Variants in ELOVL6 observed in about 807,000 individuals in gnomAD.
ELOVL6 encodes ELOVL fatty acid elongase 6.
In ELOVL6, 8 loss-of-function variants were observed where a neutral mutation model predicts 31.7. That is an observed-to-expected ratio of 0.25 (90% CI 0.15 to 0.45). The LOEUF (loss-of-function observed/expected upper bound fraction) is 0.45. ELOVL6 is among the 20% of genes least tolerant of loss of function. ELOVL6 has a pLI of 1.00. For synonymous variants in ELOVL6, 101 were observed against 117.7 expected (o/e 0.86, Z 0.92); for missense variants, 126 against 326.4 (o/e 0.39, Z 4.73).
intron 1 of ELOVL6, among the ~76,000 whole-genome samples, chr4:110,111,639 T>C (rs1373187872): frequency 1.3e-5 from 2 of 152,146 alleles, no homozygotes; most frequent in Admixed American, 6.5e-5. Flanking sequence ...GTGTTACAGA[T>C]AATGTTTTAT....
intron 2 of ELOVL6, among the ~76,000 whole-genome samples, chr4:110,091,890 A>G (rs1486498466): frequency 6.6e-6 from 1 of 152,224 alleles, no homozygotes; most frequent in African/African-American, 2.4e-5. Flanking sequence ...TCAATCAATC[A>G]TTTTAATTAC....
At chr4:110,149,014 C>T (rs1380253688) in intron 1 of ELOVL6, among the ~76,000 whole-genome samples, 2 of 152,208 alleles carry the variant, frequency 1.3e-5, no homozygotes, top group Non-Finnish European at 2.9e-5. Context: ...GCACAAGCCA[C>T]TATGCCCAGC....
chr4:110,064,790 G>A lies in ELOVL6; in HGVS notation c.222-5036C>T, dbSNP rs528393490. Among the ~76,000 whole-genome samples the A allele has an allele frequency of 1.7e-4, 26 of 152,146 alleles. 1 individual carries two copies. In the South Asian group the frequency reaches 5.2e-3, roughly 30 times the overall value. On this transcript the variant is annotated intron_variant, in intron 2 of 3. Coordinates refer to ENST00000302274, the MANE Select transcript of ELOVL6 (RefSeq NM_024090.3). ...GACGTGAGCTACTGCACCTGGCCTCGATTGATAATGTTTAAAAATCTACTT... is the reference window on the plus strand; with the variant it reads ...GACGTGAGCTACTGCACCTGGCCTCAATTGATAATGTTTAAAAATCTACTT...
chr4:110,147,780 GACACACACACACAC>G (rs58644594), intron 1 of ELOVL6, among the ~76,000 whole-genome samples: 56 of 142,740 alleles, frequency 3.9e-4, no homozygotes, highest in East Asian at 2.3e-3. Context: ...GACAGAGCAG[GACACACACACACAC>G]ACACACACAC....
intron 1 of ELOVL6, among the ~76,000 whole-genome samples, chr4:110,141,854 A>AATATATATATATATATATAT (rs1304359285): frequency 1.9e-5 from 1 of 53,610 alleles, no homozygotes; most frequent in Non-Finnish European, 4.0e-5. Flanking sequence ...CAATACAATT[A>AATATATATATATATATATAT]GTATATATAT....
At chr4:110,148,406 C>T (rs747171210) in intron 1 of ELOVL6, among the ~76,000 whole-genome samples, 2 of 150,610 alleles carry the variant, frequency 1.3e-5, no homozygotes, top group South Asian at 2.1e-4. Flanking sequence ...CTTCTCTGTT[C>T]CCACTTATTT....
At chr4:110,108,794 G>A (rs1756954439) in intron 1 of ELOVL6, among the ~76,000 whole-genome samples, 1 of 152,148 alleles carries the variant, frequency 6.6e-6, no homozygotes, top group Non-Finnish European at 1.5e-5. Context: ...TTTGAGTGCT[G>A]TGATCAAAGT....
At chr4:110,112,653 A>G (rs953857497) in intron 1 of ELOVL6, among the ~76,000 whole-genome samples, 2 of 151,992 alleles carry the variant, frequency 1.3e-5, no homozygotes, top group African/African-American at 4.8e-5. Context: ...GGGGTGGATC[A>G]CTTGAGATCA....
chr4:110,088,223 T>C (rs1465756841), intron 2 of ELOVL6, among the ~76,000 whole-genome samples: 1 of 152,184 alleles, frequency 6.6e-6, no homozygotes, highest in African/African-American at 2.4e-5. Flanking sequence ...AATTAGAGTA[T>C]TGTAGCTTAT....
chr4:110,147,780 G>GACACACACACACAC (rs58644594), intron 1 of ELOVL6, among the ~76,000 whole-genome samples: 42 of 142,738 alleles, frequency 2.9e-4, no homozygotes, highest in South Asian at 6.9e-4. Flanking sequence ...GACAGAGCAG[G>GACACACACACACAC]ACACACACAC....
chr4:110,141,742 TTA>T (rs1018261512), intron 1 of ELOVL6, among the ~76,000 whole-genome samples: 1 of 139,162 alleles, frequency 7.2e-6, no homozygotes, highest in Non-Finnish European at 1.5e-5. Context: ...TGTATTGTAT[TTA>T]TATATATAGT....
intron 1 of ELOVL6, among the ~76,000 whole-genome samples, chr4:110,135,410 C>T (rs1757784479): frequency 6.6e-6 from 1 of 152,208 alleles, no homozygotes; most frequent in Non-Finnish European, 1.5e-5. Flanking sequence ...TCAGTTCAAA[C>T]TGGCTTCTGT....
chr4:110,157,670 C>T (rs78233967), intron 1 of ELOVL6, among the ~76,000 whole-genome samples: 1 of 133,652 alleles, frequency 7.5e-6, no homozygotes. Context: ...GGCTCCGTCT[C>T]AAAAAAAAAA....
chr4:110,173,449 C>A (rs975586102), intron 1 of ELOVL6, among the ~76,000 whole-genome samples: 1 of 151,686 alleles, frequency 6.6e-6, no homozygotes, highest in East Asian at 2.0e-4. Context: ...TGTATTAGAC[C>A]TGATAAGAAT....
Position 110,051,013 on chromosome 4 carries a change from AGCCTTTGTTT to A in ELOVL6, c.*315_*324del, listed in dbSNP as rs1754823592. The stretch of plus-strand genomic sequence containing the variant: ...AATACATTTTTTCCTATGTGTTAAT[AGCCTTTGTTT>A]GCCTTTGATTAGTCTCCTCTGCTTC... On this transcript the variant is annotated 3_prime_UTR_variant, in exon 4 of 4. Coordinates refer to ENST00000302274, the MANE Select transcript of ELOVL6 (RefSeq NM_024090.3). This position sits in a 1 kb window ranked among gnomAD's most constrained non-coding sequence, Gnocchi z 4.8. The A allele has an allele frequency of 3.5e-6, 1 of 287,158 alleles. No homozygotes were observed. The highest frequency in any genetic ancestry group is 6.6e-6 in the Non-Finnish European group (1 of 152,020). 17.8% of individuals were successfully genotyped at this position (287,158 alleles called of 1,614,324 possible). A position where few individuals can be genotyped will look rare whatever the true frequency, so the allele number is the denominator to read the frequency against.
At chr4:110,141,855 G>GTATGTATATA (rs1553960300) in intron 1 of ELOVL6, among the ~76,000 whole-genome samples, 1 of 126,626 alleles carries the variant, frequency 7.9e-6, no homozygotes, top group Non-Finnish European at 1.7e-5. Flanking sequence ...AATACAATTA[G>GTATGTATATA]TATATATATA....
chr4:110,085,501 G>A (rs34392886), intron 2 of ELOVL6, among the ~76,000 whole-genome samples: 82,332 of 151,982 alleles, frequency 0.54, 23,280 homozygotes, highest in African/African-American at 0.7. Context: ...ATACCTGTCT[G>A]GAGAAACACA....
chr4:110,089,586 G>T lies in ELOVL6; in HGVS notation c.221+15911C>A, dbSNP rs571402019. On this transcript the variant is annotated intron_variant, in intron 2 of 3. Coordinates refer to ENST00000302274, the MANE Select transcript of ELOVL6 (RefSeq NM_024090.3). ...ACAATGTCAAACTTCTGGATTTCCT[G>T]ATAATTGAAATTCACTCCTAAGAGA... is the stretch of plus-strand genomic sequence containing the variant. 2.6e-5 allele frequency among the ~76,000 whole-genome samples: 4 copies of T among 152,280 alleles called. No homozygotes were observed. In the East Asian group the frequency reaches 7.7e-4, roughly 29 times the overall value.
intron 2 of ELOVL6, among the ~76,000 whole-genome samples, chr4:110,097,893 T>C (rs967832243): frequency 3.3e-5 from 5 of 152,116 alleles, no homozygotes; most frequent in Non-Finnish European, 5.9e-5. Flanking sequence ...AAGCAAGGCA[T>C]TGGAGTCAGC....
Sources: gnomAD v4.1 joint callset for allele counts (sites outside exome capture counted in the v4.1 genomes callset) on GRCh38, gnomAD v4.1.1 for gene constraint, Gnocchi (gnomAD v3.1) non-coding constraint, MANE v1.5 for transcripts, NCBI Gene and HGNC (gene_info 2026-07-23, HGNC 2026-07-21) for gene names.